The following DGKI variants were observed in gnomAD, a reference collection of about 807,000 sequenced individuals.
The protein encoded by DGKI is diacylglycerol kinase iota.
In DGKI, 55 loss-of-function variants were observed where a neutral mutation model predicts 147.5. That is an observed-to-expected ratio of 0.37 (90% CI 0.30 to 0.47). The LOEUF (loss-of-function observed/expected upper bound fraction) is 0.47. Ranked by LOEUF, DGKI falls within the 20% of genes least tolerant of loss-of-function variation. The probability of loss-of-function intolerance (pLI) is 1.00; values close to 1 mark genes in which losing one functional copy is unlikely to be tolerated. For missense variants in DGKI, 1,007 were observed against 1,323.8 expected, an observed-to-expected ratio of 0.76 and a Z score of 3.71; for synonymous variants, 469 against 477.1, an observed-to-expected ratio of 0.98 and a Z score of 0.22.
intron 21 of DGKI, among the ~76,000 whole-genome samples, chr7:137,508,381 C>A (rs1254048162): frequency 6.6e-6 from 1 of 152,032 alleles, no homozygotes; most frequent in Non-Finnish European, 1.5e-5. Context: ...CACCCACCAC[C>A]ATGTCCAGCT....
intron 1 of DGKI, among the ~76,000 whole-genome samples, chr7:137,738,730 C>CAT (rs200187693): frequency 1.3e-4 from 19 of 150,596 alleles, no homozygotes; most frequent in Non-Finnish European, 2.8e-4. Context: ...AGGTTCCCCC[C>CAT]CCCCCTTTCC....
At chr7:137,407,629 G>T (rs1388745010) in intron 30 of DGKI, among the ~76,000 whole-genome samples, 1 of 152,090 alleles carries the variant, frequency 6.6e-6, no homozygotes, top group Non-Finnish European at 1.5e-5. Context: ...TAATTAGTCT[G>T]AAAAATAGCC....
intron 1 of DGKI, among the ~76,000 whole-genome samples, chr7:137,715,786 T>C (rs1346009351): frequency 6.6e-6 from 1 of 152,156 alleles, no homozygotes; most frequent in Admixed American, 6.5e-5. Context: ...AAACCTATTA[T>C]ATTAGTGGTA....
intron 15 of DGKI, among the ~76,000 whole-genome samples, 185 bp downstream of exon 15, chr7:137,581,665 G>C (rs1819197959): frequency 6.6e-6 from 1 of 151,988 alleles, no homozygotes; most frequent in East Asian, 1.9e-4. Flanking sequence ...GAACAACTAG[G>C]TCTCAGGGTC....
At chr7:137,511,345 T>C (rs1816573659) in intron 21 of DGKI, among the ~76,000 whole-genome samples, 1 of 152,242 alleles carries the variant, frequency 6.6e-6, no homozygotes. Context: ...CCACTTTTAA[T>C]TACTCAAATT....
At chr7:137,483,161 T>C (rs1226700303) in intron 23 of DGKI, among the ~76,000 whole-genome samples, 2 of 152,080 alleles carry the variant, frequency 1.3e-5, no homozygotes, top group East Asian at 3.9e-4. Flanking sequence ...TCTCCATGAA[T>C]AGTTACAGAT....
intron 1 of DGKI, among the ~76,000 whole-genome samples, chr7:137,708,785 G>C (rs536371610): frequency 6.6e-6 from 1 of 152,306 alleles, no homozygotes; most frequent in South Asian, 2.1e-4. Context: ...TGGAATGATG[G>C]GAATAAGTGG....
In DGKI at chr7:137,739,432, C is replaced by T. The variant is rs140297738; in HGVS notation, c.402-49430G>A. 1.5e-3 allele frequency among the ~76,000 whole-genome samples: 230 copies of T among 152,236 alleles called. 1 individual carries two copies. The highest frequency in any genetic ancestry group is 5.4e-3 in the African/African-American group (224 of 41,550). ...GTTAAAAACTCTAAAGAACAAACAA[C>T]CTAGGCTTCCCTGGCTCTTTCAGAG... is the stretch of plus-strand genomic sequence containing the variant. On this transcript the variant is annotated intron_variant, in intron 1 of 32. Transcript: ENST00000614521.
At chr7:137,479,235 CCTTT>C (rs1345130397) in intron 23 of DGKI, among the ~76,000 whole-genome samples, 3 of 152,222 alleles carry the variant, frequency 2.0e-5, no homozygotes, top group Non-Finnish European at 2.9e-5. Flanking sequence ...ATACCATGCT[CCTTT>C]CTATTTTAAA....
chr7:137,444,911 G>A (rs559870722), intron 27 of DGKI, among the ~76,000 whole-genome samples: 2 of 152,298 alleles, frequency 1.3e-5, no homozygotes, highest in East Asian at 1.9e-4. Flanking sequence ...GAGAAAGAGA[G>A]AGACATATAA....
At chr7:137,769,473 A>T (rs1796119315) in intron 1 of DGKI, among the ~76,000 whole-genome samples, 1 of 152,240 alleles carries the variant, frequency 6.6e-6, no homozygotes, top group African/African-American at 2.4e-5. Context: ...CAAAATTGAC[A>T]AATGAGATCC....
intron 1 of DGKI, among the ~76,000 whole-genome samples, chr7:137,711,819 G>A (rs1794225075): frequency 1.3e-5 from 2 of 149,154 alleles, no homozygotes; most frequent in East Asian, 2.0e-4. Context: ...TCAGCCTCCC[G>A]AGTAGCTGGG....
intron 1 of DGKI, among the ~76,000 whole-genome samples, chr7:137,728,938 T>G (rs1794791373): frequency 6.6e-6 from 1 of 152,164 alleles, no homozygotes; most frequent in African/African-American, 2.4e-5. Flanking sequence ...GTACTATATT[T>G]TGGAGTTCTT....
At chr7:137,595,976 TG>T (rs1819776715) in intron 12 of DGKI, among the ~76,000 whole-genome samples, 1 of 112,570 alleles carries the variant, frequency 8.9e-6, no homozygotes. Flanking sequence ...CACTCCAGCC[TG>T]GGCAACAGAG....
chr7:137,406,307 C>T lies in DGKI; in HGVS notation c.2920+1568G>A, dbSNP rs148901105. 2.2e-4 allele frequency among the ~76,000 whole-genome samples: 34 copies of T among 152,196 alleles called. No homozygotes were observed. In the East Asian group the frequency reaches 5.4e-3, roughly 24 times the overall value. On this transcript the variant is annotated intron_variant, in intron 30 of 32. Coordinates refer to ENST00000614521, the MANE Select transcript of DGKI (RefSeq NM_001321708.2). ...CTTCACTCTTGCCCAGAAAGGAACG[C>T]TTTTAACTGCAAGAGACTGAATAGC...
At chr7:137,831,115 G>T (rs140784383) in intron 1 of DGKI, among the ~76,000 whole-genome samples, 1 of 152,200 alleles carries the variant, frequency 6.6e-6, no homozygotes, top group African/African-American at 2.4e-5. Flanking sequence ...ATTGACCAAC[G>T]GCGTAACTAT....
chr7:137,614,818 T>C lies in DGKI; in HGVS notation c.993+5006A>G, dbSNP rs1041951357. On this transcript the variant is annotated intron_variant, in intron 8 of 32. Transcript: ENST00000614521. ...GTCTCCTGACCATGATACCCTCAAA[T>C]AGATTTCCTTTACTCCTCCTCTCTA... Among the ~76,000 whole-genome samples, 14 of 152,106 alleles carry C rather than the reference T, an allele frequency of 9.2e-5. No individual in the cohort carries two copies. The East Asian group carries it at 2.7e-3, about 29-fold the overall frequency.
chr7:137,619,012 A>C (rs1490915500), intron 8 of DGKI, among the ~76,000 whole-genome samples: 2 of 152,210 alleles, frequency 1.3e-5, no homozygotes, highest in Non-Finnish European at 2.9e-5. Context: ...TCTGGAGACC[A>C]CAGGAAGTAG....
chr7:137,549,462 A>C (rs1301229582), intron 20 of DGKI, among the ~76,000 whole-genome samples: 1 of 152,200 alleles, frequency 6.6e-6, no homozygotes, highest in Non-Finnish European at 1.5e-5. Context: ...AAGATGAATT[A>C]AACAACCACC....
Sources: allele counts gnomAD v4.1 joint callset (sites outside exome capture counted in the v4.1 genomes callset), GRCh38; gene constraint gnomAD v4.1.1; transcripts MANE v1.5; gene names NCBI Gene and HGNC (gene_info 2026-07-23, HGNC 2026-07-21).